HERC2: variants seen among roughly 807,000 people sequenced by gnomAD.
HERC2 encodes the protein E3 ubiquitin-protein ligase HERC2.
HERC2 carries 102 observed loss-of-function variants against 537.7 expected under a neutral mutation model. That is an observed-to-expected ratio of 0.19 (90% CI 0.16 to 0.22). The LOEUF (loss-of-function observed/expected upper bound fraction) is 0.22. Among genes scored for constraint, HERC2 ranks in the 10% least tolerant of loss-of-function variants. The probability of loss-of-function intolerance (pLI) is 1.00; values close to 1 mark genes in which losing one functional copy is unlikely to be tolerated. For missense variants in HERC2, 4,236 were observed against 6,198.2 expected (o/e 0.68, Z 10.63); for synonymous variants, 2,224 against 2,466.2 (o/e 0.90, Z 2.91).
rs879523583 is a variant in HERC2 at position 28,272,681 on chromosome 15, GA to G, written c.911+212del. Among the ~76,000 whole-genome samples, 441 of 139,270 alleles carry G rather than the reference GA, an allele frequency of 3.2e-3. 2 individuals are homozygous for G. The highest frequency in any genetic ancestry group is 0.011 in the East Asian group (53 of 4,808). 91.4% of individuals were successfully genotyped at this position (139,270 alleles called of 152,430 possible). ...AATAAATAAATGAAGAAAACTGAAAGAAAAAAAAAAAGAACAGTTCCCAGGC... is the reference window on the plus strand; with the variant it reads ...AATAAATAAATGAAGAAAACTGAAAGAAAAAAAAAAGAACAGTTCCCAGGC... On this transcript the variant is annotated intron_variant, in intron 8 of 92. Coordinates refer to ENST00000261609, the MANE Select transcript of HERC2 (RefSeq NM_004667.6).
chr15:28,311,927 G>A (rs2076956280), intron 2 of HERC2, among the ~76,000 whole-genome samples: 1 of 152,214 alleles, frequency 6.6e-6, no homozygotes, highest in Admixed American at 6.5e-5. Context: ...CAAGGAGGAA[G>A]CCCAGTTTAC....
Position 28,262,641 on chromosome 15 carries a change from G to A in HERC2, c.2122+277C>T, listed in dbSNP as rs1360598600. On this transcript the variant is annotated intron_variant, in intron 15 of 92. Coordinates refer to ENST00000261609, the MANE Select transcript of HERC2 (RefSeq NM_004667.6). ...ACCCTTACTGAGTCCAGCCTGCTGA[G>A]TGATTAATGGGTGCCTGCCACAGAA... is the stretch of plus-strand genomic sequence containing the variant. Among the ~76,000 whole-genome samples, 4 of 152,174 alleles carry A rather than the reference G, an allele frequency of 2.6e-5. No homozygotes were observed. The East Asian group carries it at 5.8e-4, about 22-fold the overall frequency.
Position 28,214,286 on chromosome 15 carries a change from C to A in HERC2, c.6359-14G>T. 6.2e-7 allele frequency: 1 copy of A among 1,608,018 alleles called. No individual in the cohort carries two copies. The highest frequency in any genetic ancestry group is 8.5e-7 in the Non-Finnish European group (1 of 1,176,540). On this transcript the variant is annotated splice_polypyrimidine_tract_variant and intron_variant, in intron 40 of 92. Coordinates refer to ENST00000261609, the MANE Select transcript of HERC2 (RefSeq NM_004667.6). ...TCAGCGTGGACTCTGAGGAGGAAAC[C>A]AGGGGAGAAGCTGCTGCACCGCTCT...
chr15:28,188,238 T>C (rs10152176), intron 55 of HERC2, among the ~76,000 whole-genome samples: 2,139 of 152,260 alleles, frequency 0.014, 46 homozygotes, highest in African/African-American at 0.049. Flanking sequence ...CTGAATATTA[T>C]ATGACATTAA....
intron 63 of HERC2, 58 bp from the exon 64 acceptor site, chr15:28,175,714 C>T (rs1291009218): frequency 7.1e-6 from 11 of 1,549,328 alleles, no homozygotes; most frequent in Non-Finnish European, 9.8e-6. Flanking sequence ...CAATGCTATA[C>T]AAGAAGACAC....
intron 16 of HERC2, 104 bp from the exon 17 acceptor site, chr15:28,257,365 C>T: frequency 1.1e-6 from 1 of 910,274 alleles, no homozygotes; most frequent in Non-Finnish European, 1.7e-6. Flanking sequence ...ATACTATTAC[C>T]TATCATCCCT....
At chr15:28,242,701 C>T (rs1394387393) in intron 23 of HERC2, among the ~76,000 whole-genome samples, 1 of 152,140 alleles carries the variant, frequency 6.6e-6, no homozygotes, top group Non-Finnish European at 1.5e-5. Flanking sequence ...AATATCTATC[C>T]ATATGACCAA....
chr15:28,293,492 CAAA>C (rs34632582), intron 3 of HERC2, among the ~76,000 whole-genome samples: 17 of 88,292 alleles, frequency 1.9e-4, no homozygotes, highest in Admixed American at 3.6e-4. Flanking sequence ...GACTCTGTCT[CAAA>C]AAAAAAAAAA....
intron 4 of HERC2, among the ~76,000 whole-genome samples, chr15:28,282,884 A>G (rs565511144): frequency 6.6e-6 from 1 of 151,752 alleles, no homozygotes; most frequent in African/African-American, 2.4e-5. Context: ...GTGAGCCGAG[A>G]ACGTCCACTG....
intron 30 of HERC2, among the ~76,000 whole-genome samples, chr15:28,232,626 T>C (rs1360225274): frequency 6.6e-6 from 1 of 152,198 alleles, no homozygotes; most frequent in Non-Finnish European, 1.5e-5. Flanking sequence ...TTCTAAACTA[T>C]TTTATAATTT....
intron 43 of HERC2, 93 bp downstream of exon 43, chr15:28,212,352 A>G (rs1023836819): frequency 1.8e-5 from 14 of 771,388 alleles, no homozygotes; most frequent in African/African-American, 1.7e-4. Context: ...CCAGGACTTT[A>G]GTACGTCCGT....
intron 79 of HERC2, 90 bp downstream of exon 79, chr15:28,135,388 G>T: frequency 9.8e-7 from 1 of 1,022,252 alleles, no homozygotes; most frequent in South Asian, 1.5e-5. Flanking sequence ...ATGTTGCCTT[G>T]AAAAACAAAG....
intron 19 of HERC2, among the ~76,000 whole-genome samples, chr15:28,255,040 C>T (rs2075211365): frequency 4.6e-5 from 7 of 152,142 alleles, no homozygotes; most frequent in Admixed American, 4.6e-4. Flanking sequence ...CTCTACATGG[C>T]CAAAAACCAG....
At chr15:28,239,396 A>G (rs1286388268) in intron 23 of HERC2, among the ~76,000 whole-genome samples, 2 of 152,036 alleles carry the variant, frequency 1.3e-5, no homozygotes, top group Non-Finnish European at 2.9e-5. Flanking sequence ...TCACCTATGC[A>G]AGTGCTAGGA....
chr15:28,130,617 T>G (rs771933909), intron 81 of HERC2, 23 bp from the exon 82 acceptor site: 1 of 1,528,246 alleles, frequency 6.5e-7, no homozygotes, highest in Non-Finnish European at 9.1e-7. Context: ...AAGGTTCAAT[T>G]AGACAGACAG....
intron 74 of HERC2, among the ~76,000 whole-genome samples, chr15:28,143,176 G>C (rs1891397036): frequency 6.6e-6 from 1 of 152,100 alleles, no homozygotes; most frequent in Non-Finnish European, 1.5e-5. Context: ...GTTTGGTCTT[G>C]ATTTCAGTAC....
At chr15:28,267,189 AC>A (rs1330633913) in intron 12 of HERC2, among the ~76,000 whole-genome samples, 2 of 151,674 alleles carry the variant, frequency 1.3e-5, no homozygotes, top group Non-Finnish European at 2.9e-5. Flanking sequence ...TGCAAAATAC[AC>A]ACAGTGGCAC....
At chr15:28,116,456 A>G (rs139371726) in intron 88 of HERC2, among the ~76,000 whole-genome samples, 220 of 152,194 alleles carry the variant, frequency 1.4e-3, no homozygotes, top group African/African-American at 5.2e-3. Context: ...ACCTCAGGCA[A>G]TCTGCCTGCC....
intron 2 of HERC2, among the ~76,000 whole-genome samples, chr15:28,310,285 A>C (rs1189683993): frequency 1.3e-5 from 2 of 152,088 alleles, no homozygotes; most frequent in African/African-American, 4.8e-5. Flanking sequence ...ATTTCTACCA[A>C]AAATACAAAA....
Sources: gnomAD v4.1 joint callset for allele counts (sites outside exome capture counted in the v4.1 genomes callset) on GRCh38, gnomAD v4.1.1 for gene constraint, MANE v1.5 for transcripts, NCBI Gene and HGNC (gene_info 2026-07-23, HGNC 2026-07-21) for gene names.